Variants in NTM observed in about 807,000 individuals in gnomAD.
The protein encoded by NTM is IgLON family member 2.
A neutral mutation model predicts 42.1 loss-of-function variants in NTM; 13 were observed. That is an observed-to-expected ratio of 0.31 (90% CI 0.20 to 0.49). NTM has a LOEUF of 0.49. NTM is among the 20% of genes least tolerant of loss of function. NTM has a pLI of 0.99. For missense variants in NTM, 373 were observed against 452.8 expected (o/e 0.82, Z 1.60); for synonymous variants, 187 against 179.2 (o/e 1.04, Z -0.35).
intron 1 of NTM, among the ~76,000 whole-genome samples, chr11:131,521,316 G>GAAATAAATAAATAAATAAAT (rs201311970): frequency 9.1e-6 from 1 of 109,590 alleles, no homozygotes; most frequent in Non-Finnish European, 1.7e-5. Context: ...CTCCATCTCA[G>GAAATAAATAAATAAATAAAT]AAATAAATAA....
chr11:132,136,811 G>A (rs933482390), intron 2 of NTM, among the ~76,000 whole-genome samples: 6 of 152,100 alleles, frequency 3.9e-5, no homozygotes, highest in East Asian at 1.9e-4. Flanking sequence ...GATCCAGGTC[G>A]GATTCTGGGG....
chr11:132,268,613 C>CTGTG (rs148055985), intron 4 of NTM, among the ~76,000 whole-genome samples: 7 of 146,744 alleles, frequency 4.8e-5, no homozygotes, highest in African/African-American at 1.0e-4. Context: ...GTGGTCTCCT[C>CTGTG]TGTGTGTGTG....
At chr11:131,785,771 A>G (rs2089059320) in intron 1 of NTM, among the ~76,000 whole-genome samples, 1 of 152,240 alleles carries the variant, frequency 6.6e-6, no homozygotes, top group African/African-American at 2.4e-5. Flanking sequence ...CTGATAACCT[A>G]ACAATACAAT....
chr11:132,215,350 T>C (rs1173716309), intron 4 of NTM, among the ~76,000 whole-genome samples: 1 of 152,252 alleles, frequency 6.6e-6, no homozygotes, highest in African/African-American at 2.4e-5. Flanking sequence ...GTTCTGTACA[T>C]TTCTTAAAAG....
intron 2 of NTM, among the ~76,000 whole-genome samples, chr11:131,925,381 C>CTT (rs2057802091): frequency 7.8e-6 from 1 of 127,800 alleles, no homozygotes; most frequent in Admixed American, 8.3e-5. Context: ...TCTTTCTTTT[C>CTT]TCTTTTTTTT....
intron 3 of NTM, among the ~76,000 whole-genome samples, chr11:132,160,807 T>TG (rs2074111821): frequency 6.6e-6 from 1 of 151,966 alleles, no homozygotes; most frequent in Admixed American, 6.6e-5. Flanking sequence ...AAATGACAAG[T>TG]GCAGGATGGG....
At chr11:132,297,686 A>G (rs2094671491) in intron 4 of NTM, among the ~76,000 whole-genome samples, 1 of 152,178 alleles carries the variant, frequency 6.6e-6, no homozygotes, top group African/African-American at 2.4e-5. Flanking sequence ...TTTGCCTATC[A>G]TCATCTACAT....
At chr11:132,167,980 G>A (rs925715432) in intron 3 of NTM, among the ~76,000 whole-genome samples, 2 of 152,228 alleles carry the variant, frequency 1.3e-5, no homozygotes, top group African/African-American at 4.8e-5. Flanking sequence ...AGAGTGCAGT[G>A]TGGAGAACTA....
intron 1 of NTM, among the ~76,000 whole-genome samples, chr11:131,563,859 C>T (rs984998476): frequency 2.0e-5 from 3 of 152,174 alleles, no homozygotes; most frequent in African/African-American, 7.2e-5. Context: ...GCTCTCTATG[C>T]TAGGTTCCCA....
chr11:131,429,238 G>A (rs1453078893), intron 1 of NTM, among the ~76,000 whole-genome samples: 3 of 152,162 alleles, frequency 2.0e-5, no homozygotes, highest in Non-Finnish European at 4.4e-5. Context: ...TCTCAGGAGA[G>A]AGATGCCAAG....
Position 132,335,182 on chromosome 11 carries a change from G to T in NTM, c.*36G>T. On this transcript the variant is annotated 3_prime_UTR_variant, in exon 9 of 9. Transcript: ENST00000683400. ...ACTTCCCCACCCGGGAAAGGCTGCC[G>T]CCACCACCACCACCAACACAACAGC... 1.2e-6 allele frequency: 2 copies of T among 1,606,960 alleles called. No individual in the cohort carries two copies. The highest frequency in any genetic ancestry group is 2.2e-5 in the South Asian group (2 of 90,764).
At chr11:131,579,543 A>G (rs1355123352) in intron 1 of NTM, among the ~76,000 whole-genome samples, 5 of 152,206 alleles carry the variant, frequency 3.3e-5, no homozygotes, top group African/African-American at 9.6e-5. Flanking sequence ...AGCAAACAAA[A>G]TAGAGCTTTT....
intron 2 of NTM, among the ~76,000 whole-genome samples, chr11:131,919,956 T>G (rs1305923900): frequency 6.6e-6 from 1 of 152,200 alleles, no homozygotes; most frequent in Non-Finnish European, 1.5e-5. Flanking sequence ...TTAGAGATTC[T>G]TCAGTTTCAA....
At chr11:131,874,580 T>G (rs949760932) in intron 1 of NTM, among the ~76,000 whole-genome samples, 1 of 152,194 alleles carries the variant, frequency 6.6e-6, no homozygotes, top group Non-Finnish European at 1.5e-5. Flanking sequence ...AGTTAAACCT[T>G]TACTATTTTA....
At chr11:132,043,292 G>A (rs150341507) in intron 2 of NTM, among the ~76,000 whole-genome samples, 50 of 152,308 alleles carry the variant, frequency 3.3e-4, no homozygotes, top group African/African-American at 1.1e-3. Context: ...CATCCTTCAA[G>A]CAATATGTGT....
chr11:132,237,372 G>A (rs982515747), intron 4 of NTM, among the ~76,000 whole-genome samples: 5 of 152,072 alleles, frequency 3.3e-5, no homozygotes, highest in East Asian at 3.9e-4. Context: ...TTGGGATCTC[G>A]GTACGTCACA....
At chr11:131,516,802 C>T (rs575894287) in intron 1 of NTM, among the ~76,000 whole-genome samples, 22 of 152,326 alleles carry the variant, frequency 1.4e-4, no homozygotes, top group South Asian at 4.1e-4. Context: ...AAGGTCGTTT[C>T]TTTGTCTCTG....
chr11:131,651,851 C>G (rs61901592), intron 1 of NTM, among the ~76,000 whole-genome samples: 1 of 144,914 alleles, frequency 6.9e-6, no homozygotes, highest in South Asian at 2.3e-4. Context: ...GCCCCCCCGA[C>G]CCAAAAAAAG....
chr11:132,251,926 C>T (rs2091979950), intron 4 of NTM, among the ~76,000 whole-genome samples: 1 of 152,210 alleles, frequency 6.6e-6, no homozygotes, highest in Admixed American at 6.5e-5. Context: ...AGTGACAAAG[C>T]ACAGCAGCAG....
Sources: allele counts gnomAD v4.1 joint callset (sites outside exome capture counted in the v4.1 genomes callset), GRCh38; gene constraint gnomAD v4.1.1; transcripts MANE v1.5; gene names NCBI Gene and HGNC (gene_info 2026-07-23, HGNC 2026-07-21).